Variants in CEP120 observed in about 807,000 individuals in gnomAD.
CEP120 encodes centrosomal protein of 120 kDa.
CEP120 carries 113 observed loss-of-function variants against 126.5 expected under a neutral mutation model. That is an observed-to-expected ratio of 0.89 (90% CI 0.77 to 1.04). The LOEUF is 1.04. Among genes scored for constraint, CEP120 ranks in the 50% least tolerant of loss-of-function variants. CEP120 has a pLI of 0.00. For missense variants in CEP120, 1,230 were observed against 1,155.7 expected, an observed-to-expected ratio of 1.06 and a Z score of -0.93; for synonymous variants, 400 against 394.3, an observed-to-expected ratio of 1.01 and a Z score of -0.17.
intron 7 of CEP120, 54 bp from the exon 8 acceptor site, chr5:123,390,194 T>A: frequency 7.9e-7 from 1 of 1,270,328 alleles, no homozygotes; most frequent in Non-Finnish European, 1.1e-6. Context: ...CCTTCATAAT[T>A]AAGCAAAAAA....
rs751838908 is a variant in CEP120, at chr5:123,377,364, G to A, written c.2358+10C>T. 7.5e-6 allele frequency: 12 copies of A among 1,603,390 alleles called. No individual in the cohort carries two copies. The highest frequency in any genetic ancestry group is 1.7e-4 in the Middle Eastern group (1 of 6,030). ...CTAAGCATAAAAAGATGACAAGTAC[G>A]TTATCCAACCTGTTGCTGAAGGCGG... On this transcript the variant is annotated intron_variant, in intron 16 of 19. Transcript: ENST00000306467.
chr5:123,358,602 T>G (rs1769831287), intron 18 of CEP120, among the ~76,000 whole-genome samples: 1 of 152,088 alleles, frequency 6.6e-6, no homozygotes, highest in African/African-American at 2.4e-5. Flanking sequence ...TCTATAAAAG[T>G]AAGTTTTTGA....
chr5:123,391,103 TA>T lies in CEP120; in HGVS notation c.1038+6del, dbSNP rs1246257120. On this transcript the variant is annotated splice_donor_region_variant and intron_variant, in intron 7 of 19. Coordinates refer to ENST00000306467, the MANE Select transcript of CEP120 (RefSeq NM_001375405.1). Reference sequence around the variant, plus strand: ...AGCCAGGGGAATGAAGGAGGGCCACTACTTGCCTGGGAGTCTATGCCTTCTC... The same window carrying T: ...AGCCAGGGGAATGAAGGAGGGCCACTCTTGCCTGGGAGTCTATGCCTTCTC... 2 of 1,606,238 alleles carry T rather than the reference TA, an allele frequency of 1.2e-6. No homozygotes were observed. Among genetic ancestry groups the T allele is most frequent in the Non-Finnish European group, 8.5e-7 (1 of 1,175,060 alleles).
Position 123,401,951 on chromosome 5 carries a change from C to T in CEP120, c.464-2667G>A, listed in dbSNP as rs866885072. 1.5e-4 allele frequency: 233 copies of T among 1,583,446 alleles called. No individual in the cohort carries two copies. The East Asian group carries it at 4.2e-3, about 28-fold the overall frequency. ...ACATGTTGTCCATGTTGCTCCCGGC[C>T]GTCTTCTGCTGCTGCAGGAGGCTCC... On this transcript the variant is annotated intron_variant, in intron 4 of 19. Coordinates refer to ENST00000306467, the MANE Select transcript of CEP120 (RefSeq NM_001375405.1).
intron 2 of CEP120, among the ~76,000 whole-genome samples, chr5:123,416,599 A>T (rs1353862674): frequency 2.0e-5 from 3 of 149,058 alleles, no homozygotes; most frequent in Non-Finnish European, 4.5e-5. Flanking sequence ...AAAAATAAAA[A>T]AAATAAACAG....
rs182119562 is a variant in CEP120 at position 123,401,898 on chromosome 5, C to T, written c.464-2614G>A. 3.2e-4 allele frequency: 503 copies of T among 1,562,108 alleles called. 1 individual carries two copies. The East Asian group carries it at 8.1e-3, about 25-fold the overall frequency. On this transcript the variant is annotated intron_variant, in intron 4 of 19. Transcript: ENST00000306467. ...CTCCTAGCCCAGAGTCTCCAGCTGC[C>T]GCCTAAGGTTGTTGATGTAGCTCTT... is the stretch of plus-strand genomic sequence containing the variant.
intron 1 of CEP120, chr5:123,422,413 G>T: frequency 9.1e-7 from 1 of 1,102,786 alleles, no homozygotes; most frequent in Non-Finnish European, 1.3e-6. Context: ...TCCCAGCACA[G>T]TGTCTGACAC....
At chr5:123,348,842 C>A (rs1290275110) in intron 19 of CEP120, among the ~76,000 whole-genome samples, 1 of 152,090 alleles carries the variant, frequency 6.6e-6, no homozygotes, top group East Asian at 1.9e-4. Context: ...AGAAGAGACA[C>A]CAGAGAGAGG....
At chr5:123,356,394 T>C (rs1261185954) in intron 18 of CEP120, among the ~76,000 whole-genome samples, 1 of 152,122 alleles carries the variant, frequency 6.6e-6, no homozygotes, top group Admixed American at 6.6e-5. Context: ...ATCGTGAAAA[T>C]GGCCATACTG....
chr5:123,384,027 G>A (rs1043654981), intron 11 of CEP120, among the ~76,000 whole-genome samples: 1 of 152,084 alleles, frequency 6.6e-6, no homozygotes, highest in African/African-American at 2.4e-5. Context: ...ACTCCTGAGA[G>A]TATCTAAGGT....
intron 11 of CEP120, 109 bp downstream of exon 11, chr5:123,384,842 G>T: frequency 1.1e-6 from 1 of 896,676 alleles, no homozygotes; most frequent in East Asian, 2.6e-5. Context: ...AGGGTGAAGT[G>T]GTGGATCAGA....
chr5:123,395,784 C>A (rs987115418), intron 5 of CEP120, among the ~76,000 whole-genome samples: 1 of 151,392 alleles, frequency 6.6e-6, no homozygotes, highest in African/African-American at 2.4e-5. Context: ...TGGGTTCACG[C>A]CATTCTCCTG....
intron 18 of CEP120, among the ~76,000 whole-genome samples, chr5:123,361,976 C>T (rs1170109949): frequency 6.6e-6 from 1 of 151,650 alleles, no homozygotes; most frequent in Non-Finnish European, 1.5e-5. Flanking sequence ...ACTCCAGGGC[C>T]ATGTTCTTAA....
chr5:123,420,496 C>A (rs1774648038), intron 1 of CEP120, among the ~76,000 whole-genome samples: 1 of 152,072 alleles, frequency 6.6e-6, no homozygotes, highest in African/African-American at 2.4e-5. Context: ...GAGTCCTCCA[C>A]CAAGCCAAAG....
intron 4 of CEP120, among the ~76,000 whole-genome samples, chr5:123,403,988 T>C (rs202104788): frequency 2.0e-5 from 3 of 152,204 alleles, no homozygotes; most frequent in East Asian, 1.9e-4. Context: ...GTGGTAGCAA[T>C]GTATCAATGT....
chr5:123,363,449 A>G (rs1770235918), intron 18 of CEP120, among the ~76,000 whole-genome samples: 1 of 151,602 alleles, frequency 6.6e-6, no homozygotes, highest in Non-Finnish European at 1.5e-5. Context: ...TTTTATACTT[A>G]TTGTACATGT....
chr5:123,353,242 T>C (rs1285681023), intron 18 of CEP120, among the ~76,000 whole-genome samples: 2 of 151,994 alleles, frequency 1.3e-5, no homozygotes, highest in Non-Finnish European at 2.9e-5. Flanking sequence ...GTAGGCTTTA[T>C]GTAAAAACTC....
At chr5:123,403,949 T>C (rs752738229) in intron 4 of CEP120, among the ~76,000 whole-genome samples, 2 of 152,172 alleles carry the variant, frequency 1.3e-5, no homozygotes, top group African/African-American at 4.8e-5. Context: ...GAAAAGACAA[T>C]TGGTAAAACA....
At chr5:123,406,462 T>C (rs1166659786) in intron 4 of CEP120, among the ~76,000 whole-genome samples, 1 of 126,028 alleles carries the variant, frequency 7.9e-6, no homozygotes, top group African/African-American at 3.0e-5. Context: ...AAAGAAAAAA[T>C]ACTGAAAGAA....
Sources: gnomAD v4.1 joint callset for allele counts (sites outside exome capture counted in the v4.1 genomes callset) on GRCh38, gnomAD v4.1.1 for gene constraint, MANE v1.5 for transcripts, NCBI Gene and HGNC (gene_info 2026-07-23, HGNC 2026-07-21) for gene names.